SH3GLB1: variants seen among roughly 807,000 people sequenced by gnomAD.
SH3GLB1 encodes SH3 domain containing GRB2 like, endophilin B1.
In SH3GLB1, 17 loss-of-function variants were observed where a neutral mutation model predicts 42.0. The observed-to-expected ratio is 0.40, with a 90% CI of 0.28 to 0.61. The LOEUF is 0.61. Ranked by LOEUF, SH3GLB1 falls within the 20% of genes least tolerant of loss-of-function variation. The pLI is 0.36. For synonymous variants in SH3GLB1, 132 were observed against 146.6 expected (o/e 0.90, Z 0.72); for missense variants, 355 against 426.3 (o/e 0.83, Z 1.47).
At chr1:86,737,897 T>A (rs1655853945) in intron 7 of SH3GLB1, among the ~76,000 whole-genome samples, 1 of 152,144 alleles carries the variant, frequency 6.6e-6, no homozygotes, top group South Asian at 2.1e-4. Context: ...CCTGAGGGCA[T>A]GACATAGCTG....
Position 86,742,048 on chromosome 1 carries a change from G to A in SH3GLB1, c.762-160G>A, listed in dbSNP as rs936843485. Reference sequence around the variant, plus strand: ...TCTCTAGTATAATTGGCCCAAGAGGGAAAAGGAAGATAGATATACTTTGTC... The same window carrying A: ...TCTCTAGTATAATTGGCCCAAGAGGAAAAAGGAAGATAGATATACTTTGTC... On this transcript the variant is annotated intron_variant, in intron 7 of 8. Coordinates refer to ENST00000370558, the MANE Select transcript of SH3GLB1 (RefSeq NM_016009.5). Among the ~76,000 whole-genome samples, 59 of 152,080 alleles carry A rather than the reference G, an allele frequency of 3.9e-4. 1 individual carries two copies. Among genetic ancestry groups the A allele is most frequent in the Non-Finnish European group, 8.8e-5 (6 of 68,008 alleles).
At position 86,747,558 on chromosome 1, in the gene SH3GLB1, A is replaced by G. The variant is rs770506449; in HGVS notation, c.*4323A>G. On this transcript the variant is annotated 3_prime_UTR_variant, in exon 9 of 9. Coordinates refer to ENST00000370558, the MANE Select transcript of SH3GLB1 (RefSeq NM_016009.5). ...CTTCTGGGCTGTATTACAAGTGGGT[A>G]GGAAGGTATAAGGATATCATAGTGG... 14 of 152,216 alleles carry G rather than the reference A, an allele frequency of 9.2e-5. No homozygotes were observed. Among genetic ancestry groups the G allele is most frequent in the Non-Finnish European group, 1.6e-4 (11 of 68,050 alleles). 9.4% of individuals were successfully genotyped at this position (152,216 alleles called of 1,614,324 possible).
At chr1:86,718,942 G>T (rs1349626876) in intron 2 of SH3GLB1, among the ~76,000 whole-genome samples, 7 of 152,104 alleles carry the variant, frequency 4.6e-5, no homozygotes, top group Non-Finnish European at 1.0e-4. Context: ...TAAAGCCAAG[G>T]CATCATATTG....
intron 1 of SH3GLB1, among the ~76,000 whole-genome samples, chr1:86,711,244 T>C (rs1378270594): frequency 6.6e-6 from 1 of 152,030 alleles, no homozygotes. Context: ...TTTTTTTTTC[T>C]AAAAGTAGAG....
intron 6 of SH3GLB1, 45 bp from the exon 7 acceptor site, chr1:86,735,034 A>G: frequency 2.1e-6 from 3 of 1,443,558 alleles, no homozygotes; most frequent in Non-Finnish European, 2.9e-6. Flanking sequence ...TTTGCCATTT[A>G]AGTTGACTAT....
Position 86,724,409 on chromosome 1 carries a change from A to G in SH3GLB1, c.570+4A>G. ...AGCTGCAGAAACTAGAAATTCAGTA[A>G]GTAAATAGAAAAATATTTTTGATTA... is the stretch of plus-strand genomic sequence containing the variant. On this transcript the variant is annotated splice_donor_region_variant and intron_variant, in intron 5 of 8. Coordinates refer to ENST00000370558, the MANE Select transcript of SH3GLB1 (RefSeq NM_016009.5). 6.4e-7 allele frequency: 1 copy of G among 1,574,040 alleles called. No individual in the cohort carries two copies. The highest frequency in any genetic ancestry group is 8.6e-7 in the Non-Finnish European group (1 of 1,160,040).
chr1:86,715,373 A>G (rs953937370), intron 1 of SH3GLB1, among the ~76,000 whole-genome samples: 13 of 152,224 alleles, frequency 8.5e-5, no homozygotes, highest in Non-Finnish European at 1.8e-4. Flanking sequence ...CAACTGACTC[A>G]AAGCTCTTAC....
At chr1:86,729,945 A>T in intron 5 of SH3GLB1, 2 of 712,776 alleles carry the variant, frequency 2.8e-6, no homozygotes, top group South Asian at 2.1e-5. Flanking sequence ...CGATTTAGTT[A>T]CTACTGTGTT....
rs907949851 is a variant in SH3GLB1 at position 86,745,007 on chromosome 1, C to G, written c.*1772C>G. 1.3e-5 allele frequency: 2 copies of G among 152,186 alleles called. No individual in the cohort carries two copies. Among genetic ancestry groups the G allele is most frequent in the Non-Finnish European group, 2.9e-5 (2 of 68,028 alleles). 9.4% of individuals were successfully genotyped at this position (152,186 alleles called of 1,614,324 possible). A position where few individuals can be genotyped will look rare whatever the true frequency, so the allele number is the denominator to read the frequency against. ...GAAGTTCTACAGCCTAGAGTACCAT[C>G]TATTGTGTTTTATAAGTCCAGATTT... On this transcript the variant is annotated 3_prime_UTR_variant, in exon 9 of 9. Coordinates refer to ENST00000370558, the MANE Select transcript of SH3GLB1 (RefSeq NM_016009.5).
chr1:86,722,196 G>A (rs973920179), intron 3 of SH3GLB1, among the ~76,000 whole-genome samples: 5 of 148,078 alleles, frequency 3.4e-5, no homozygotes, highest in South Asian at 2.1e-4. Context: ...GTTTTTGATC[G>A]TGGTTGGTTG....
intron 7 of SH3GLB1, among the ~76,000 whole-genome samples, chr1:86,741,654 CT>C (rs1656063487): frequency 6.6e-6 from 1 of 152,138 alleles, no homozygotes; most frequent in African/African-American, 2.4e-5. Context: ...ATCATTTCAT[CT>C]TACGTCTTCT....
intron 4 of SH3GLB1, among the ~76,000 whole-genome samples, chr1:86,723,039 G>A (rs1305647601): frequency 6.6e-6 from 1 of 152,114 alleles, no homozygotes; most frequent in Non-Finnish European, 1.5e-5. Context: ...TAGTGATAGA[G>A]AATGAAAATT....
rs263478 is a variant in SH3GLB1, at chr1:86,742,189, G to T, written c.762-19G>T. On this transcript the variant is annotated intron_variant, in intron 7 of 8. Coordinates refer to ENST00000370558, the MANE Select transcript of SH3GLB1 (RefSeq NM_016009.5). ...TTAGTCACTTGGAAATAAATAATTC[G>T]CTGCTTTCTTTTCAACAGTTTTCCA... 0.13 allele frequency: 201,583 copies of T among 1,593,710 alleles called. 13,889 individuals carry two copies. Among genetic ancestry groups the T allele is most frequent in the African/African-American group, 0.25 (18,893 of 74,514 alleles).
chr1:86,731,514 C>G (rs1194847726), intron 5 of SH3GLB1, among the ~76,000 whole-genome samples: 3 of 152,034 alleles, frequency 2.0e-5, no homozygotes, highest in African/African-American at 7.3e-5. Context: ...CTCTGAACTT[C>G]TAGCATGAAA....
Position 86,704,956 on chromosome 1 carries a change from C to T in SH3GLB1, c.57C>T (p.Leu19=). ...KKLAADAGTF[L]SRAVQFTEEK... ...TGGCGGCCGACGCAGGCACCTTCCT[C>T]AGTCGCGCCGTGCAGGTACCCTGGT... Residue 19 remains leucine (L), a synonymous_variant, in exon 1 of 9, where the codon CTC becomes CTT. Coordinates refer to ENST00000370558, the MANE Select transcript of SH3GLB1 (RefSeq NM_016009.5). The T allele has an allele frequency of 1.3e-6, 2 of 1,583,586 alleles. No homozygotes were observed. Among genetic ancestry groups the T allele is most frequent in the Middle Eastern group, 1.7e-4 (1 of 5,970 alleles).
chr1:86,705,647 T>C (rs369323507), intron 1 of SH3GLB1, among the ~76,000 whole-genome samples: 1 of 152,182 alleles, frequency 6.6e-6, no homozygotes, highest in Non-Finnish European at 1.5e-5. Context: ...GTTATGGCTG[T>C]AGTCACAGTA....
Position 86,742,252 on chromosome 1 carries a change from C to A in SH3GLB1, c.806C>A (p.Thr269Lys), listed in dbSNP as rs1335181821. The A allele has an allele frequency of 6.2e-7, 1 of 1,614,106 alleles. No individual in the cohort carries two copies. Among genetic ancestry groups the A allele is most frequent in the Admixed American group, 1.7e-5 (1 of 60,012 alleles). The change falls in exon 8 of 9, where the codon ACA becomes AAA. Residue 269 changes from threonine to lysine, a missense_variant. Transcript: ENST00000370558. ...AGTAACAACAATCAGACTTCTGTGA[C>A]ACCTGTACCATCAGTTTTACCAAAT... ...YLSNNNQTSV[T>K]PVPSVLPNAI...
In SH3GLB1 at chr1:86,731,845, C is replaced by T. The variant is rs546596604; in HGVS notation, c.571-2757C>T. Among the ~76,000 whole-genome samples the T allele has an allele frequency of 1.3e-5, 2 of 152,050 alleles. 1 individual carries two copies. The highest frequency in any genetic ancestry group is 4.2e-4 in the South Asian group (2 of 4,816). ...CTGTAATCCCAGCACTTTGGAAGGC[C>T]GAGGTGGGCAGATCACCTGAGGTCA... On this transcript the variant is annotated intron_variant, in intron 5 of 8. Coordinates refer to ENST00000370558, the MANE Select transcript of SH3GLB1 (RefSeq NM_016009.5).
chr1:86,725,169 A>C (rs940069794), intron 5 of SH3GLB1, among the ~76,000 whole-genome samples: 3 of 151,348 alleles, frequency 2.0e-5, no homozygotes, highest in South Asian at 4.1e-4. Context: ...GATGAGACTC[A>C]AGTTTGAGAA....
Sources: gnomAD v4.1 joint callset for allele counts (sites outside exome capture counted in the v4.1 genomes callset) on GRCh38, gnomAD v4.1.1 for gene constraint, MANE v1.5 for transcripts, NCBI Gene and HGNC (gene_info 2026-07-23, HGNC 2026-07-21) for gene names.